The following CASC3 variants were observed in gnomAD, a reference collection of about 807,000 sequenced individuals.
CASC3 encodes CASC3 exon junction complex subunit, also known as protein CASC3.
A neutral mutation model predicts 80.5 loss-of-function variants in CASC3; 30 were observed. The ratio of observed to expected loss-of-function variants is 0.37; its 90% CI spans 0.28 to 0.51. CASC3 has a LOEUF of 0.51. Among genes scored for constraint, CASC3 ranks in the 20% least tolerant of loss-of-function variants. The pLI is 0.94. For missense variants in CASC3, 824 were observed against 922.2 expected (o/e 0.89, Z 1.38); for synonymous variants, 312 against 333.6 (o/e 0.94, Z 0.70).
chr17:40,153,543 A>G (rs1989065581), intron 3 of CASC3, among the ~76,000 whole-genome samples: 1 of 152,152 alleles, frequency 6.6e-6, no homozygotes, highest in Non-Finnish European at 1.5e-5. Flanking sequence ...GTCATGTGGT[A>G]ACTCTGTAAT....
In CASC3 at chr17:40,167,834, A is replaced by G; in HGVS notation, c.1652-16A>G. On this transcript the variant is annotated splice_polypyrimidine_tract_variant and intron_variant, in intron 9 of 13. Coordinates refer to ENST00000264645, the MANE Select transcript of CASC3 (RefSeq NM_007359.5). ...AGAGTAAGGGTTTATGAGAGTCCCA[A>G]TGTGATATCTTACAGTGCAGTTCCA... The G allele has an allele frequency of 6.2e-7, 1 of 1,604,914 alleles. No homozygotes were observed. Among genetic ancestry groups the G allele is most frequent in the Non-Finnish European group, 8.5e-7 (1 of 1,171,662 alleles).
chr17:40,158,742 T>G (rs1383451786), intron 3 of CASC3, among the ~76,000 whole-genome samples: 2 of 152,218 alleles, frequency 1.3e-5, no homozygotes, highest in African/African-American at 4.8e-5. Context: ...CTAATTTTTT[T>G]CATTTCTGAA....
At chr17:40,160,823 G>T (rs545032278) in intron 3 of CASC3, among the ~76,000 whole-genome samples, 1 of 151,912 alleles carries the variant, frequency 6.6e-6, no homozygotes, top group Non-Finnish European at 1.5e-5. Flanking sequence ...CGCCTGCCTC[G>T]GCCTCCCAAA....
At position 40,171,065 on chromosome 17, in the gene CASC3, C is replaced by T. The variant is rs1015327272; in HGVS notation, c.*660C>T. On this transcript the variant is annotated 3_prime_UTR_variant, in exon 14 of 14. Coordinates refer to ENST00000264645, the MANE Select transcript of CASC3 (RefSeq NM_007359.5). ...TATACTTGTATTCCCTTAACTCTAA[C>T]CCTGTGGAAGCATGGCTGTCTGCAC... is the stretch of plus-strand genomic sequence containing the variant. 1 of 985,658 alleles carries T rather than the reference C, an allele frequency of 1.0e-6. No homozygotes were observed. The highest frequency in any genetic ancestry group is 4.7e-5 in the South Asian group (1 of 21,288). The allele number at this position is 985,658 out of a possible 1,614,324, so 61.1% of individuals were successfully genotyped here.
rs965150476 is a variant in CASC3 at position 40,171,861 on chromosome 17, G to C, written c.*1456G>C. The C allele has an allele frequency of 8.3e-7, 1 of 1,200,270 alleles. No homozygotes were observed. The highest frequency in any genetic ancestry group is 1.1e-6 in the Non-Finnish European group (1 of 947,796). 74.4% of individuals were successfully genotyped at this position (1,200,270 alleles called of 1,614,324 possible). The stretch of plus-strand genomic sequence containing the variant: ...GAGTCACAGGTGTGGGATGGAGAGT[G>C]GGGAGAGGCACTTAATCTGTAACCC... On this transcript the variant is annotated 3_prime_UTR_variant, in exon 14 of 14. Transcript: ENST00000264645.
chr17:40,166,757 A>G lies in CASC3; in HGVS notation c.1472-40A>G, dbSNP rs1420807970. On this transcript the variant is annotated intron_variant, in intron 7 of 13. Coordinates refer to ENST00000264645, the MANE Select transcript of CASC3 (RefSeq NM_007359.5). ...TAGTATCTTTGAGTCCCACTCACGT[A>G]TGTCTGATCTGCAGAAGTGACTTTT... 2.1e-6 allele frequency: 3 copies of G among 1,422,246 alleles called. No homozygotes were observed. In the Admixed American group the frequency reaches 6.6e-5, roughly 31 times the overall value. The allele number at this position is 1,422,246 out of a possible 1,614,324, so 88.1% of individuals were successfully genotyped here. A position where few individuals can be genotyped will look rare whatever the true frequency, so the allele number is the denominator to read the frequency against.
chr17:40,142,664 G>A (rs950560999), intron 3 of CASC3, among the ~76,000 whole-genome samples: 4 of 151,956 alleles, frequency 2.6e-5, no homozygotes, highest in South Asian at 2.1e-4. Flanking sequence ...CCAGGCGGGC[G>A]GATCACGAGG....
chr17:40,156,431 A>G (rs1598425949), intron 3 of CASC3, among the ~76,000 whole-genome samples: 1 of 152,320 alleles, frequency 6.6e-6, no homozygotes, highest in East Asian at 1.9e-4. Context: ...TCATGCCTAT[A>G]ATCCCAGCAT....
At chr17:40,148,371 T>G (rs1182387380) in intron 3 of CASC3, among the ~76,000 whole-genome samples, 1 of 121,530 alleles carries the variant, frequency 8.2e-6, no homozygotes, top group Non-Finnish European at 1.6e-5. Flanking sequence ...CCTTCAGACC[T>G]TTTTTTTTTT....
At chr17:40,141,443 G>A in intron 2 of CASC3, 127 bp from the exon 3 acceptor site, 2 of 887,890 alleles carry the variant, frequency 2.3e-6, no homozygotes, top group Non-Finnish European at 3.7e-6. Flanking sequence ...TGTAAGTGGG[G>A]ACTATAATTT....
chr17:40,153,578 A>G (rs1989066560), intron 3 of CASC3, among the ~76,000 whole-genome samples: 1 of 152,150 alleles, frequency 6.6e-6, no homozygotes, highest in African/African-American at 2.4e-5. Context: ...GAACCGCCAT[A>G]CTGTTTCCAA....
chr17:40,146,431 T>TC (rs1166028699), intron 3 of CASC3, among the ~76,000 whole-genome samples: 2 of 147,206 alleles, frequency 1.4e-5, no homozygotes, highest in African/African-American at 5.3e-5. Flanking sequence ...AAGTACGATT[T>TC]CTTTTTTTTT....
Position 40,171,347 on chromosome 17 carries a change from T to G in CASC3, c.*942T>G, listed in dbSNP as rs2145187298. 2.0e-6 allele frequency: 2 copies of G among 986,048 alleles called. No individual in the cohort carries two copies. The highest frequency in any genetic ancestry group is 2.2e-4 in the East Asian group (2 of 8,948). The allele number at this position is 986,048 out of a possible 1,614,324, so 61.1% of individuals were successfully genotyped here. On this transcript the variant is annotated 3_prime_UTR_variant, in exon 14 of 14. Transcript: ENST00000264645. ...TCAGGGCTCAGTCTTTTGAGGTAAG[T>G]GGAATTAGAGGGCCTTGCTTCTCTT...
chr17:40,151,108 G>C (rs771266232), intron 3 of CASC3, among the ~76,000 whole-genome samples: 5 of 152,066 alleles, frequency 3.3e-5, no homozygotes, highest in African/African-American at 9.7e-5. Flanking sequence ...AGCCAGGTGC[G>C]TGCCTGTACT....
At chr17:40,164,639 G>C (rs906343681) in intron 7 of CASC3, among the ~76,000 whole-genome samples, 6 of 150,844 alleles carry the variant, frequency 4.0e-5, no homozygotes, top group African/African-American at 1.2e-4. Flanking sequence ...TAGAGACCGG[G>C]TTTCACCATG....
At chr17:40,169,302 C>T (rs1435995159) in intron 11 of CASC3, 22 bp from the exon 12 acceptor site, 2 of 1,516,900 alleles carry the variant, frequency 1.3e-6, no homozygotes, top group Non-Finnish European at 1.8e-6. Flanking sequence ...ACTTTTTCTT[C>T]TCCTGGCTTG....
At position 40,164,208 on chromosome 17, in the gene CASC3, A is replaced by G. The variant is rs759338644; in HGVS notation, c.1471+42A>G. ...TGGTGGCTAGCTTTTTCCCCTTTGC[A>G]TCATCAGGTTTAGGGGCATGGGACT... On this transcript the variant is annotated intron_variant, in intron 7 of 13. Transcript: ENST00000264645. 2.0e-5 allele frequency: 29 copies of G among 1,482,982 alleles called. No homozygotes were observed. In the East Asian group the frequency reaches 4.6e-4, roughly 24 times the overall value. 91.9% of individuals were successfully genotyped at this position (1,482,982 alleles called of 1,614,324 possible). A position where few individuals can be genotyped will look rare whatever the true frequency, so the allele number is the denominator to read the frequency against.
intron 3 of CASC3, among the ~76,000 whole-genome samples, chr17:40,148,768 C>G (rs1429822483): frequency 2.6e-5 from 4 of 152,188 alleles, no homozygotes; most frequent in Non-Finnish European, 5.9e-5. Context: ...TGCTTTCTCT[C>G]TGCTTTCTCC....
chr17:40,169,564 G>A (rs746820341), intron 12 of CASC3, 34 bp from the exon 13 acceptor site: 1 of 1,583,162 alleles, frequency 6.3e-7, no homozygotes. Context: ...TTTTTGTTAT[G>A]ACCTGATAAC....
Sources: gnomAD v4.1 joint callset for allele counts (sites outside exome capture counted in the v4.1 genomes callset) on GRCh38, gnomAD v4.1.1 for gene constraint, MANE v1.5 for transcripts, NCBI Gene and HGNC (gene_info 2026-07-23, HGNC 2026-07-21) for gene names.